GRID1: variants seen among roughly 807,000 people sequenced by gnomAD.
GRID1 encodes the protein glutamate ionotropic receptor delta type subunit 1, also known as glutamate receptor ionotropic, delta-1.
Under a neutral mutation model 98.0 loss-of-function variants are expected in GRID1, and 28 were observed. The ratio of observed to expected loss-of-function variants is 0.29; its 90% CI spans 0.21 to 0.39. GRID1 has a LOEUF of 0.39. GRID1 is among the 10% of genes least tolerant of loss of function. The pLI is 1.00. For synonymous variants in GRID1, 553 were observed against 538.5 expected (o/e 1.03, Z -0.37); for missense variants, 1,111 against 1,340.5 (o/e 0.83, Z 2.67).
intron 2 of GRID1, among the ~76,000 whole-genome samples, chr10:86,245,681 T>G (rs1781850785): frequency 6.6e-6 from 1 of 152,196 alleles, no homozygotes; most frequent in African/African-American, 2.4e-5. Flanking sequence ...GCATCTCAGG[T>G]GGTCCTTGAA....
intron 2 of GRID1, among the ~76,000 whole-genome samples, chr10:86,325,699 G>A (rs1032041614): frequency 5.3e-5 from 8 of 152,174 alleles, no homozygotes; most frequent in African/African-American, 1.9e-4. Context: ...AAATTAATTT[G>A]AATTGAGCAC....
At chr10:86,318,073 G>A (rs1847922985) in intron 2 of GRID1, among the ~76,000 whole-genome samples, 1 of 152,088 alleles carries the variant, frequency 6.6e-6, no homozygotes, top group African/African-American at 2.4e-5. Flanking sequence ...CTGAAGGGCT[G>A]GGCTGGGCTC....
intron 8 of GRID1, among the ~76,000 whole-genome samples, chr10:85,752,364 C>T (rs979317410): frequency 6.6e-6 from 1 of 152,138 alleles, no homozygotes; most frequent in Non-Finnish European, 1.5e-5. Flanking sequence ...AAAACATTTC[C>T]TGTACATGAC....
chr10:85,904,349 T>C (rs1172005816), intron 5 of GRID1, among the ~76,000 whole-genome samples: 1 of 152,190 alleles, frequency 6.6e-6, no homozygotes, highest in African/African-American at 2.4e-5. Flanking sequence ...AATCTCTGCC[T>C]TTAGAGAATT....
Position 86,281,120 on chromosome 10 carries a change from C to A in GRID1, c.236-74472G>T, listed in dbSNP as rs142366996. On this transcript the variant is annotated intron_variant, in intron 2 of 15. Transcript: ENST00000327946. ...CCTACATCTGGCTCATCTATACAACCCAAAGCACCTCCATCAGGGCCTGGC... is the reference window on the plus strand; with the variant it reads ...CCTACATCTGGCTCATCTATACAACACAAAGCACCTCCATCAGGGCCTGGC... Among the ~76,000 whole-genome samples the A allele has an allele frequency of 2.0e-3, 299 of 152,246 alleles. 1 individual carries two copies. The highest frequency in any genetic ancestry group is 3.9e-3 in the Admixed American group (59 of 15,296).
At chr10:86,064,193 A>T (rs976633713) in intron 4 of GRID1, among the ~76,000 whole-genome samples, 4 of 152,244 alleles carry the variant, frequency 2.6e-5, no homozygotes, top group Admixed American at 6.5e-5. Flanking sequence ...AAATAATTTT[A>T]TCAATGTTCA....
chr10:86,233,139 C>T (rs1206833133), intron 2 of GRID1, among the ~76,000 whole-genome samples: 2 of 151,898 alleles, frequency 1.3e-5, no homozygotes, highest in African/African-American at 2.4e-5. Context: ...CTGAAGTGGC[C>T]GGCTGGAGCG....
chr10:85,809,651 C>T (rs1161026139), intron 8 of GRID1, among the ~76,000 whole-genome samples: 1 of 152,194 alleles, frequency 6.6e-6, no homozygotes, highest in Admixed American at 6.5e-5. Context: ...AAATTAACAA[C>T]TAAAACTTTT....
intron 2 of GRID1, among the ~76,000 whole-genome samples, chr10:86,268,103 C>T (rs1227343360): frequency 6.6e-6 from 1 of 152,188 alleles, no homozygotes; most frequent in African/African-American, 2.4e-5. Context: ...GGGCCCCTCT[C>T]CACCAAGCAG....
At chr10:86,060,092 A>T (rs1843628908) in intron 4 of GRID1, among the ~76,000 whole-genome samples, 1 of 152,228 alleles carries the variant, frequency 6.6e-6, no homozygotes, top group African/African-American at 2.4e-5. Context: ...AAGGCTTTGA[A>T]TAAAATTGCT....
chr10:86,294,380 C>T (rs1294096770), intron 2 of GRID1, among the ~76,000 whole-genome samples: 1 of 152,224 alleles, frequency 6.6e-6, no homozygotes, highest in African/African-American at 2.4e-5. Flanking sequence ...TGTGCACCAG[C>T]ATCTTTCTGG....
chr10:85,977,487 G>T (rs372466162), intron 4 of GRID1, among the ~76,000 whole-genome samples: 5 of 152,186 alleles, frequency 3.3e-5, no homozygotes, highest in East Asian at 3.9e-4. Context: ...CAGCCCATGG[G>T]CAGTGAGCTT....
At chr10:86,237,793 C>T (rs191723165) in intron 2 of GRID1, among the ~76,000 whole-genome samples, 1 of 152,142 alleles carries the variant, frequency 6.6e-6, no homozygotes, top group African/African-American at 2.4e-5. Context: ...TCGCCTTCCA[C>T]CATGATCCTG....
At chr10:86,046,797 A>C (rs113591672) in intron 4 of GRID1, among the ~76,000 whole-genome samples, 6,630 of 151,390 alleles carry the variant, frequency 0.044, 173 homozygotes, top group Middle Eastern at 0.068. Flanking sequence ...CTTATGTGCA[A>C]TCTCTTTACA....
At chr10:85,737,711 A>C (rs1486666075) in intron 8 of GRID1, among the ~76,000 whole-genome samples, 1 of 82,784 alleles carries the variant, frequency 1.2e-5, no homozygotes, top group East Asian at 2.4e-4. Context: ...TATAACATAC[A>C]TGTTTATATA....
chr10:86,173,060 C>T (rs11813529), intron 3 of GRID1, among the ~76,000 whole-genome samples: 6,877 of 152,218 alleles, frequency 0.045, 270 homozygotes, highest in South Asian at 0.15. Flanking sequence ...TTGTTTTTAA[C>T]AGACAGAATA....
At chr10:86,060,428 C>A (rs905745555) in intron 4 of GRID1, among the ~76,000 whole-genome samples, 2 of 152,206 alleles carry the variant, frequency 1.3e-5, no homozygotes, top group African/African-American at 4.8e-5. Flanking sequence ...CTGAACCCAC[C>A]AGCCAGAGCA....
chr10:85,980,234 C>T (rs1295834097), intron 4 of GRID1, among the ~76,000 whole-genome samples: 3 of 152,234 alleles, frequency 2.0e-5, no homozygotes, highest in Admixed American at 6.5e-5. Flanking sequence ...TCTCCTGTGC[C>T]ACCCACAGCC....
At position 85,996,579 on chromosome 10, in the gene GRID1, A is replaced by G. The variant is rs140320358; in HGVS notation, c.727-80340T>C. On this transcript the variant is annotated intron_variant, in intron 4 of 15. Coordinates refer to ENST00000327946, the MANE Select transcript of GRID1 (RefSeq NM_017551.3). ...TATTTTTAAAAATGAACAGAGCATC[A>G]GGGACCTATGAAACAAAAACAAAAG... is the stretch of plus-strand genomic sequence containing the variant. Among the ~76,000 whole-genome samples the G allele has an allele frequency of 1.9e-3, 285 of 152,340 alleles. 3 individuals are homozygous for G. The highest frequency in any genetic ancestry group is 5.4e-3 in the Admixed American group (82 of 15,306).
Sources: allele counts gnomAD v4.1 joint callset (sites outside exome capture counted in the v4.1 genomes callset), GRCh38; gene constraint gnomAD v4.1.1; transcripts MANE v1.5; gene names NCBI Gene and HGNC (gene_info 2026-07-23, HGNC 2026-07-21).